The following GDAP1 variants were observed in gnomAD, a reference collection of about 807,000 sequenced individuals.
GDAP1 encodes the protein ganglioside-induced differentiation-associated protein 1.
Under a neutral mutation model 40.1 loss-of-function variants are expected in GDAP1, and 34 were observed. The ratio of observed to expected loss-of-function variants is 0.85; its 90% CI spans 0.64 to 1.13. GDAP1 has a LOEUF of 1.13. Ranked by LOEUF, GDAP1 falls within the 50% of genes most tolerant of loss-of-function variation. GDAP1 has a pLI of 0.00. For synonymous variants in GDAP1, 170 were observed against 157.4 expected, an observed-to-expected ratio of 1.08 and a Z score of -0.60; for missense variants, 374 against 433.7, an observed-to-expected ratio of 0.86 and a Z score of 1.22.
chr8:74,439,759 T>G (rs1212052044), intron 2 of GDAP1, among the ~76,000 whole-genome samples: 1 of 152,088 alleles, frequency 6.6e-6, no homozygotes, highest in Non-Finnish European at 1.5e-5. Flanking sequence ...CTTTCCATTA[T>G]CACTCTCTTT....
intron 2 of GDAP1, among the ~76,000 whole-genome samples, chr8:74,445,430 T>C (rs939898938): frequency 3.9e-5 from 6 of 152,212 alleles, no homozygotes; most frequent in African/African-American, 1.4e-4. Flanking sequence ...CTGTTTATTT[T>C]GCTTCTTTTG....
At chr8:74,422,486 C>T (rs1234004486) in intron 2 of GDAP1, among the ~76,000 whole-genome samples, 1 of 79,440 alleles carries the variant, frequency 1.3e-5, no homozygotes, top group Non-Finnish European at 2.4e-5. Flanking sequence ...CCCTCCCTCC[C>T]TCCTTTCTCC....
chr8:74,403,803 G>C lies in GDAP1; in HGVS notation c.165+52482G>C, dbSNP rs1020996083. On this transcript the variant is annotated intron_variant, in intron 2 of 2. Transcript: ENST00000523640. ...ATGTTTAAATGTGAACCTTGATGGA[G>C]CTGCTTTTTTGTTAAGACTCAACTG... 2.0e-5 allele frequency among the ~76,000 whole-genome samples: 3 copies of C among 150,100 alleles called. No individual in the cohort carries two copies. In the East Asian group the frequency reaches 5.8e-4, roughly 29 times the overall value.
At chr8:74,391,985 A>G (rs1032304515) in intron 2 of GDAP1, among the ~76,000 whole-genome samples, 2 of 151,840 alleles carry the variant, frequency 1.3e-5, no homozygotes, top group Non-Finnish European at 2.9e-5. Context: ...TGCCCAGCAA[A>G]TTTTTGTATT....
chr8:74,475,688 T>C (rs1173559794), intron 2 of GDAP1, among the ~76,000 whole-genome samples: 1 of 152,098 alleles, frequency 6.6e-6, no homozygotes, highest in African/African-American at 2.4e-5. Flanking sequence ...TTGCTGAGGA[T>C]TGTTTTTTGT....
chr8:74,461,899 A>C (rs1806406324), intron 2 of GDAP1, among the ~76,000 whole-genome samples: 1 of 152,240 alleles, frequency 6.6e-6, no homozygotes, highest in Admixed American at 6.5e-5. Context: ...AATGAGAAAA[A>C]CAATTCTGTT....
At chr8:74,422,352 C>CTTCCCTT (rs1563465558) in intron 2 of GDAP1, among the ~76,000 whole-genome samples, 173 of 33,900 alleles carry the variant, frequency 5.1e-3, no homozygotes, top group Middle Eastern at 0.021. Context: ...TTTCTTTCTT[C>CTTCCCTT]CCTTCCTTCC....
At chr8:74,433,535 G>A (rs1007627638) in intron 2 of GDAP1, among the ~76,000 whole-genome samples, 2 of 152,104 alleles carry the variant, frequency 1.3e-5, no homozygotes, top group African/African-American at 2.4e-5. Flanking sequence ...TATGCACACA[G>A]TAAATATTTG....
rs1296188052 is a variant in GDAP1 at position 74,390,779 on chromosome 8, C to T, written c.165+39458C>T. Among the ~76,000 whole-genome samples, 5 of 152,210 alleles carry T rather than the reference C, an allele frequency of 3.3e-5. No homozygotes were observed. The East Asian group carries it at 9.6e-4, about 29-fold the overall frequency. ...ATGTTTAAGTCTGTGAGACTGCGCCCACAGCTGTCCCTACTCCCAGGTGCT... is the reference window on the plus strand; with the variant it reads ...ATGTTTAAGTCTGTGAGACTGCGCCTACAGCTGTCCCTACTCCCAGGTGCT... On this transcript the variant is annotated intron_variant, in intron 2 of 2. Coordinates refer to the GDAP1 transcript ENST00000523640.
intron 2 of GDAP1, among the ~76,000 whole-genome samples, chr8:74,461,741 C>T (rs781190090): frequency 1.1e-4 from 17 of 152,186 alleles, no homozygotes; most frequent in Non-Finnish European, 2.9e-5. Context: ...CACATGGGAC[C>T]CCAAAGCTAA....
intron 2 of GDAP1, among the ~76,000 whole-genome samples, chr8:74,468,579 T>A (rs1806504506): frequency 6.6e-6 from 1 of 151,606 alleles, no homozygotes; most frequent in South Asian, 2.1e-4. Context: ...GCTAATGGGG[T>A]CTTTTATCCC....
chr8:74,441,297 A>T (rs929399552), intron 2 of GDAP1, among the ~76,000 whole-genome samples: 1 of 152,144 alleles, frequency 6.6e-6, no homozygotes, highest in Non-Finnish European at 1.5e-5. Flanking sequence ...CAGATTTATG[A>T]TAACACAGTT....
At chr8:74,428,469 G>GT (rs561655756) in intron 2 of GDAP1, among the ~76,000 whole-genome samples, 1,571 of 140,558 alleles carry the variant, frequency 0.011, 12 homozygotes, top group African/African-American at 0.014. Context: ...TGATTGTTTT[G>GT]TTTTTTTTTT....
intron 2 of GDAP1, among the ~76,000 whole-genome samples, chr8:74,372,234 T>G (rs1306105941): frequency 6.6e-6 from 1 of 152,232 alleles, no homozygotes; most frequent in Non-Finnish European, 1.5e-5. Context: ...AACATATGTG[T>G]GCATGTGTCT....
In GDAP1 at chr8:74,394,694, C is replaced by T. The variant is rs73331303; in HGVS notation, c.165+43373C>T. ...TTGACCAGAGGACTGAACACAAAGG[C>T]GTGATGAGGTGGTGACTCAGAGAGG... is the stretch of plus-strand genomic sequence containing the variant. On this transcript the variant is annotated intron_variant, in intron 2 of 2. Coordinates refer to the GDAP1 transcript ENST00000523640. 3.4e-3 allele frequency among the ~76,000 whole-genome samples: 518 copies of T among 152,106 alleles called. 4 individuals carry two copies. The highest frequency in any genetic ancestry group is 0.012 in the African/African-American group (490 of 41,470).
chr8:74,442,592 C>A (rs895630488), intron 2 of GDAP1, among the ~76,000 whole-genome samples: 1 of 152,178 alleles, frequency 6.6e-6, no homozygotes, highest in Admixed American at 6.5e-5. Context: ...TAAAAACAAA[C>A]TCTTGGAGAT....
At chr8:74,352,412 A>C (rs1808916466) in intron 2 of GDAP1, among the ~76,000 whole-genome samples, 1 of 2,328 alleles carries the variant, frequency 4.3e-4, no homozygotes, top group Non-Finnish European at 3.1e-3. Flanking sequence ...TGTTGATGTT[A>C]ATAGGGTAGG....
chr8:74,475,041 T>G, intron 2 of GDAP1, among the ~76,000 whole-genome samples: 1 of 152,154 alleles, frequency 6.6e-6, no homozygotes, highest in East Asian at 1.9e-4. Context: ...ATCCATTTCC[T>G]CTAGATTTTG....
Position 74,360,298 on chromosome 8 carries a change from A to T in GDAP1, c.472A>T (p.Thr158Ser), listed in dbSNP as rs1454008034. 1 of 1,613,712 alleles carries T rather than the reference A, an allele frequency of 6.2e-7. No homozygotes were observed. The highest frequency in any genetic ancestry group is 8.5e-7 in the Non-Finnish European group (1 of 1,179,628). Residue 158 changes from threonine to serine, a missense_variant, in exon 3 of 6, where the codon ACA (threonine) becomes TCA (serine). By Grantham distance (58) the Thr-to-Ser change is moderately conservative (BLOSUM62 1). Coordinates refer to ENST00000220822, the MANE Select transcript of GDAP1 (RefSeq NM_018972.4). Reference sequence around the variant, plus strand: ...CTCCATGATCCCGGCTTATGCAACTACAAGGATTCGTAGTATGTAAACATT... The same window carrying T: ...CTCCATGATCCCGGCTTATGCAACTTCAAGGATTCGTAGTATGTAAACATT... ...VDSMIPAYAT[T>S]RIRSQIGNTE...
Sources: gnomAD v4.1 joint callset for allele counts (sites outside exome capture counted in the v4.1 genomes callset) on GRCh38, gnomAD v4.1.1 for gene constraint, MANE v1.5 for transcripts, NCBI Gene and HGNC (gene_info 2026-07-23, HGNC 2026-07-21) for gene names.